Variants in ZNF628 observed in about 807,000 individuals in gnomAD.
ZNF628 encodes zinc finger protein Zec.
Under a neutral mutation model 2.5 loss-of-function variants are expected in ZNF628, and 3 were observed. That is an observed-to-expected ratio of 1.19 (90% CI 0.54 to 3.07). The LOEUF is 3.07. Among genes scored for constraint, ZNF628 ranks in the 30% most tolerant of loss-of-function variants. The probability of loss-of-function intolerance (pLI) is 0.03; values close to 1 mark genes in which losing one functional copy is unlikely to be tolerated. For synonymous variants in ZNF628, 861 were observed against 717.1 expected (o/e 1.20, Z -3.21); for missense variants, 1,610 against 1,517.1 (o/e 1.06, Z -1.02).
chr19:55,477,353 GTTTTTT>G (rs60568698), intron 1 of ZNF628, among the ~76,000 whole-genome samples: 2 of 146,856 alleles, frequency 1.4e-5, no homozygotes, highest in African/African-American at 5.0e-5. Context: ...CAGTAGGTTT[GTTTTTT>G]TTTTTTTTTT....
chr19:55,478,589 C>A (rs780369660), intron 1 of ZNF628, among the ~76,000 whole-genome samples: 2 of 152,176 alleles, frequency 1.3e-5, no homozygotes, highest in Non-Finnish European at 2.9e-5. Context: ...AATGCAATGC[C>A]CAGCCCTCCC....
intron 1 of ZNF628, among the ~76,000 whole-genome samples, chr19:55,478,675 G>T (rs1004956647): frequency 1.3e-5 from 2 of 152,240 alleles, no homozygotes; most frequent in East Asian, 3.8e-4. Flanking sequence ...ACGGCGATCC[G>T]TGGGGAGGCT....
rs747862697 is a variant in ZNF628, at chr19:55,483,553, CGGCCAGCGCTGG to C, written c.2369_2380del (p.Ala790_Ser793del). ...CCTGGGGGTCTAGGGGTGCAGGGAG[CGGCCAGCGCTGG>C]GGCCAGCGGGACAGGGCAGAGCCTC... On this transcript the variant is annotated inframe_deletion, in exon 3 of 3. Coordinates refer to ENST00000598519, the MANE Select transcript of ZNF628 (RefSeq NM_033113.3). The C allele has an allele frequency of 1.9e-6, 3 of 1,588,360 alleles. No individual in the cohort carries two copies.
rs745651551 is a variant in ZNF628, at chr19:55,482,714, G to A, written c.1521G>A (p.Leu507=). 6.2e-7 allele frequency: 1 copy of A among 1,612,846 alleles called. No homozygotes were observed. The highest frequency in any genetic ancestry group is 8.5e-7 in the Non-Finnish European group (1 of 1,179,520). Residue 507 remains leucine, a synonymous_variant, in exon 3 of 3, where the codon CTG becomes CTA. Transcript: ENST00000598519. The stretch of plus-strand genomic sequence containing the variant: ...TCCACCAGCGGGTGCACACGGGCCT[G>A]CGGGCCTTCACCTGTGGCCAGTGCG... ...LAIHQRVHTG[L]RAFTCGQCGL... is the part of the protein sequence containing the mutation.
At position 55,482,597 on chromosome 19, in the gene ZNF628, G is replaced by C. The variant is rs781491785; in HGVS notation, c.1404G>C (p.Gly468=). The change falls in exon 3 of 3, where the codon GGG becomes GGC. Residue 468 remains glycine, a synonymous_variant. Coordinates refer to ENST00000598519, the MANE Select transcript of ZNF628 (RefSeq NM_033113.3). ...GCAAGTCCTTCAAGGGCTCCTCCGG[G>C]CTGCGCTACCACCTGCGGGACCACA... ...ECGKSFKGSS[G]LRYHLRDHTG... is the part of the protein sequence containing the mutation. The C allele has an allele frequency of 2.5e-6, 4 of 1,604,166 alleles. No individual in the cohort carries two copies. The African/African-American group carries it at 5.3e-5, about 21-fold the overall frequency.
intron 1 of ZNF628, among the ~76,000 whole-genome samples, chr19:55,477,036 A>G (rs531900416): frequency 5.9e-5 from 9 of 152,342 alleles, no homozygotes; most frequent in African/African-American, 2.2e-4. Flanking sequence ...TCTGACTTAA[A>G]ACAATGTTTT....
chr19:55,481,483 G>A lies in ZNF628; in HGVS notation c.290G>A (p.Cys97Tyr). The A allele has an allele frequency of 4.3e-6, 7 of 1,612,926 alleles. No individual in the cohort carries two copies. Among genetic ancestry groups the A allele is most frequent in the Non-Finnish European group, 5.1e-6 (6 of 1,179,714 alleles). The change falls in exon 3 of 3, where the codon TGT (cysteine) becomes TAT (tyrosine). Residue 97 changes from cysteine to tyrosine, a missense_variant. By Grantham distance (194) the Cys-to-Tyr change is radical. Around this residue, in one of 5 missense-constraint regions of ZNF628, gnomAD observed 166 missense variants for 241.3 expected, o/e 0.69. Transcript: ENST00000598519. ...TGERPYQCPD[C>Y]PKAFKRSSLL... Reference sequence around the variant, plus strand: ...GAGCGGCCCTACCAGTGCCCCGACTGTCCCAAGGCCTTCAAGCGCTCCTCT... The same window carrying A: ...GAGCGGCCCTACCAGTGCCCCGACTATCCCAAGGCCTTCAAGCGCTCCTCT...
At position 55,484,346 on chromosome 19, in the gene ZNF628, C is replaced by T. The variant is rs149742958; in HGVS notation, c.3153C>T (p.Pro1051=). 1.6e-4 allele frequency: 241 copies of T among 1,460,900 alleles called. 2 individuals are homozygous for T. In the African/African-American group the frequency reaches 3.1e-3, roughly 19 times the overall value. The allele number at this position is 1,460,900 out of a possible 1,614,324, so 90.5% of individuals were successfully genotyped here. A position where few individuals can be genotyped will look rare whatever the true frequency, so the allele number is the denominator to read the frequency against. Residue 1051 remains proline (P), a synonymous_variant, in exon 3 of 3, where the codon CCC becomes CCT. Coordinates refer to ENST00000598519, the MANE Select transcript of ZNF628 (RefSeq NM_033113.3). ...LPSIQIVQTL[P]AVQLVHTF Reference sequence around the variant, plus strand: ...CCATCCAGATTGTCCAGACTCTACCCGCAGTCCAGCTGGTGCACACGTTTT... The same window carrying T: ...CCATCCAGATTGTCCAGACTCTACCTGCAGTCCAGCTGGTGCACACGTTTT...
intron 1 of ZNF628, among the ~76,000 whole-genome samples, chr19:55,478,877 G>T (rs1288812399): frequency 6.6e-6 from 1 of 152,224 alleles, no homozygotes; most frequent in Non-Finnish European, 1.5e-5. Flanking sequence ...GAAGCTATGG[G>T]TGGAGTAGAA....
Position 55,484,197 on chromosome 19 carries a change from G to C in ZNF628, c.3004G>C (p.Ala1002Pro). ...AGGCACCGCCACGCTGCAGCTCCTGGCCCCACCGCCGTCAGGCCCAGCCTC... is the reference window on the plus strand; with the variant it reads ...AGGCACCGCCACGCTGCAGCTCCTGCCCCCACCGCCGTCAGGCCCAGCCTC... ...GGGTATLQLL[A>P]PPPSGPASGP... The change falls in exon 3 of 3, where the codon GCC (alanine) becomes CCC (proline). Residue 1002 changes from alanine to proline, a missense_variant. Physicochemically the swap from Ala to Pro is conservative, Grantham distance 27 (BLOSUM62 -1). Around this residue, in one of 5 missense-constraint regions of ZNF628, gnomAD observed 712 missense variants for 603.6 expected, o/e 1.18. Transcript: ENST00000598519. 1 of 1,547,306 alleles carries C rather than the reference G, an allele frequency of 6.5e-7. No homozygotes were observed. Among genetic ancestry groups the C allele is most frequent in the Non-Finnish European group, 8.7e-7 (1 of 1,146,174 alleles).
Position 55,483,844 on chromosome 19 carries a change from C to T in ZNF628, c.2651C>T (p.Thr884Ile), listed in dbSNP as rs1158148117. The T allele has an allele frequency of 9.9e-6, 16 of 1,612,834 alleles. No homozygotes were observed. The highest frequency in any genetic ancestry group is 1.4e-5 in the Non-Finnish European group (16 of 1,179,548). Reference sequence around the variant, plus strand: ...AATTCCAGTGGGGGAGCTGTGGCTACTGAGGCACCCAACCTGCTGGTTGTT... The same window carrying T: ...AATTCCAGTGGGGGAGCTGTGGCTATTGAGGCACCCAACCTGCTGGTTGTT... ...LSNSSGGAVA[T>I]EAPNLLVVQS... The change falls in exon 3 of 3, where the codon ACT (threonine) becomes ATT (isoleucine). Residue 884 changes from threonine (T) to isoleucine (I), a missense_variant. Physicochemically the swap from Thr to Ile is moderately conservative, Grantham distance 89. This residue lies in a region of ZNF628 where 712 missense variants were observed against 603.6 expected (regional missense o/e 1.18). Coordinates refer to ENST00000598519, the MANE Select transcript of ZNF628 (RefSeq NM_033113.3).
rs2123410925 is a variant in ZNF628, at chr19:55,481,384, A to T, written c.191A>T (p.Tyr64Phe). The change falls in exon 3 of 3, where the codon TAC becomes TTC. Residue 64 changes from tyrosine to phenylalanine, a missense_variant. By Grantham distance (22) the Tyr-to-Phe change is conservative (BLOSUM62 3). Transcript: ENST00000598519. Reference protein sequence around the residue: ...HQRTHTGERPYKCPDCPKAFK... With the variant: ...HQRTHTGERPFKCPDCPKAFK... ...CGCACGCACACAGGCGAGCGGCCCT[A>T]CAAGTGCCCAGACTGCCCCAAGGCT... The T allele has an allele frequency of 6.2e-7, 1 of 1,612,494 alleles. No individual in the cohort carries two copies. Among genetic ancestry groups the T allele is most frequent in the Non-Finnish European group, 8.5e-7 (1 of 1,179,524 alleles).
chr19:55,481,354 A>AC lies in ZNF628; in HGVS notation c.163dup (p.Gln55ProfsTer58), dbSNP rs759278819. 2 of 1,612,940 alleles carry AC rather than the reference A, an allele frequency of 1.2e-6. No individual in the cohort carries two copies. Among genetic ancestry groups the AC allele is most frequent in the Non-Finnish European group, 1.7e-6 (2 of 1,179,708 alleles). Reference sequence around the variant, plus strand: ...CGGTGGTCGTCCCGGCTCCTGCACCACCAGCGCACGCACACAGGCGAGCGG... The same window carrying AC: ...CGGTGGTCGTCCCGGCTCCTGCACCACCCAGCGCACGCACACAGGCGAGCGG... On this transcript the variant is annotated frameshift_variant, in exon 3 of 3. Coordinates refer to ENST00000598519, the MANE Select transcript of ZNF628 (RefSeq NM_033113.3). LOFTEE classifies it low-confidence loss of function (END_TRUNC).
rs202021574 is a variant in ZNF628 at position 55,482,723 on chromosome 19, C to T, written c.1530C>T (p.Phe510=). ...GGGTGCACACGGGCCTGCGGGCCTTCACCTGTGGCCAGTGCGGCCTCACCT... is the reference window on the plus strand; with the variant it reads ...GGGTGCACACGGGCCTGCGGGCCTTTACCTGTGGCCAGTGCGGCCTCACCT... ...HQRVHTGLRA[F]TCGQCGLTFK... Residue 510 remains phenylalanine (F), a synonymous_variant, in exon 3 of 3, where the codon TTC becomes TTT. Coordinates refer to ENST00000598519, the MANE Select transcript of ZNF628 (RefSeq NM_033113.3). 14 of 1,612,750 alleles carry T rather than the reference C, an allele frequency of 8.7e-6. No homozygotes were observed. In the East Asian group the frequency reaches 1.8e-4, roughly 21 times the overall value.
Position 55,484,180 on chromosome 19 carries a change from C to G in ZNF628, c.2987C>G (p.Ala996Gly), listed in dbSNP as rs1424921948. The change falls in exon 3 of 3, where the codon GCC (alanine) becomes GGC (glycine). Residue 996 changes from alanine (A) to glycine (G), a missense_variant. Around this residue, in one of 5 missense-constraint regions of ZNF628, gnomAD observed 712 missense variants for 603.6 expected, o/e 1.18. Transcript: ENST00000598519. ...AGCAGCAACACTGGAGGAGGCACCG[C>G]CACGCTGCAGCTCCTGGCCCCACCG... ...LDSSNTGGGT[A>G]TLQLLAPPPS... 1 of 1,555,538 alleles carries G rather than the reference C, an allele frequency of 6.4e-7. No individual in the cohort carries two copies. The highest frequency in any genetic ancestry group is 8.7e-7 in the Non-Finnish European group (1 of 1,150,774).
chr19:55,477,268 C>A (rs1986577077), intron 1 of ZNF628, among the ~76,000 whole-genome samples: 2 of 152,064 alleles, frequency 1.3e-5, no homozygotes, highest in Non-Finnish European at 2.9e-5. Context: ...AATGGGACCC[C>A]GCTCTTTCAG....
In ZNF628 at chr19:55,483,608, G is replaced by C. The variant is rs114065657; in HGVS notation, c.2415G>C (p.Val805=). 5.0e-6 allele frequency: 8 copies of C among 1,613,032 alleles called. No individual in the cohort carries two copies. The East Asian group carries it at 6.7e-5, about 13-fold the overall frequency. ...AGAGCCTCATCGTTCTGCAGAATGT[G>C]GGGGGTGGGGAGGCAGGGCCACAGG... ...TGQSLIVLQN[V]GGGEAGPQEM... The change falls in exon 3 of 3, where the codon GTG becomes GTC. Residue 805 remains valine (V), a synonymous_variant. Transcript: ENST00000598519.
chr19:55,482,800 G>C lies in ZNF628; in HGVS notation c.1607G>C (p.Arg536Pro). Residue 536 changes from arginine (R) to proline (P), a missense_variant, in exon 3 of 3, where the codon CGG becomes CCG. Physicochemically the swap from Arg to Pro is moderately radical, Grantham distance 103. Around this residue, in one of 5 missense-constraint regions of ZNF628, gnomAD observed 651 missense variants for 575.6 expected, o/e 1.13. Transcript: ENST00000598519. ...CACCTGCGGCTGCACTCTGGCGAGCGGCCCTACGCCTGCGGGGAGTGTGGC... is the reference window on the plus strand; with the variant it reads ...CACCTGCGGCTGCACTCTGGCGAGCCGCCCTACGCCTGCGGGGAGTGTGGC... ...QYHLRLHSGE[R>P]PYACGECGKA... The C allele has an allele frequency of 6.2e-7, 1 of 1,610,718 alleles. No individual in the cohort carries two copies. Among genetic ancestry groups the C allele is most frequent in the Non-Finnish European group, 8.5e-7 (1 of 1,178,112 alleles).
chr19:55,482,121 C>G lies in ZNF628; in HGVS notation c.928C>G (p.Leu310Val). Residue 310 changes from leucine (L) to valine (V), a missense_variant, in exon 3 of 3, where the codon CTC (leucine) becomes GTC (valine). This residue lies in a region of ZNF628 where 651 missense variants were observed against 575.6 expected (regional missense o/e 1.13). Coordinates refer to ENST00000598519, the MANE Select transcript of ZNF628 (RefSeq NM_033113.3). The part of the protein sequence containing the change: ...CEQGFSSEEL[L>V]LEHQPCPGPD... ...GCAGGGATTCAGCAGCGAGGAGCTG[C>G]TCCTGGAGCACCAGCCGTGCCCCGG... The G allele has an allele frequency of 6.6e-7, 1 of 1,507,894 alleles. No individual in the cohort carries two copies. Among genetic ancestry groups the G allele is most frequent in the Middle Eastern group, 1.9e-4 (1 of 5,180 alleles). 93.4% of individuals were successfully genotyped at this position (1,507,894 alleles called of 1,614,324 possible).
Sources: gnomAD v4.1 joint callset for allele counts (sites outside exome capture counted in the v4.1 genomes callset) on GRCh38, gnomAD v4.1.1 for gene constraint, gnomAD v4.1.1 regional missense constraint, MANE v1.5 for transcripts, NCBI Gene and HGNC (gene_info 2026-07-23, HGNC 2026-07-21) for gene names.